The following KANSL2 variants were observed in gnomAD, a reference collection of about 807,000 sequenced individuals.
KANSL2 encodes the protein KAT8 regulatory NSL complex subunit 2.
KANSL2 carries 34 observed loss-of-function variants against 55.6 expected under a neutral mutation model. That is an observed-to-expected ratio of 0.61 (90% CI 0.46 to 0.81). The LOEUF (loss-of-function observed/expected upper bound fraction) is 0.81, where lower values mean the gene tolerates loss of function less well. Among genes scored for constraint, KANSL2 ranks in the 40% least tolerant of loss-of-function variants. The probability of loss-of-function intolerance (pLI) is 0.00; values close to 1 mark genes in which losing one functional copy is unlikely to be tolerated. For synonymous variants in KANSL2, 209 were observed against 214.3 expected (o/e 0.98, Z 0.22); for missense variants, 502 against 609.9 (o/e 0.82, Z 1.86).
chr12:48,680,544 A>T lies in KANSL2; in HGVS notation c.252-711T>A, dbSNP rs150207297. On this transcript the variant is annotated intron_variant, in intron 2 of 9. Transcript: ENST00000420613. ...ACGTAAAAAATTATCTAGTCAGGTT[A>T]TGTTTTTGCATGGATACCTTTGCAT... Among the ~76,000 whole-genome samples, 709 of 152,292 alleles carry T rather than the reference A, an allele frequency of 4.7e-3. 3 individuals are homozygous for T. The highest frequency in any genetic ancestry group is 5.9e-3 in the Non-Finnish European group (399 of 68,016).
At chr12:48,667,414 T>G (rs905638135) in intron 7 of KANSL2, 2 of 466,578 alleles carry the variant, frequency 4.3e-6, no homozygotes. Flanking sequence ...ACCCAAGTAT[T>G]AAGGCTATAA....
At chr12:48,673,956 TA>T (rs1330165238) in intron 4 of KANSL2, among the ~76,000 whole-genome samples, 1 of 151,796 alleles carries the variant, frequency 6.6e-6, no homozygotes, top group Non-Finnish European at 1.5e-5. Context: ...GTCTCAAAAA[TA>T]AATAAATAAA....
intron 5 of KANSL2, among the ~76,000 whole-genome samples, chr12:48,669,683 A>C (rs1187394587): frequency 6.6e-6 from 1 of 151,558 alleles, no homozygotes; most frequent in Non-Finnish European, 1.5e-5. Flanking sequence ...ACGCCCGGCT[A>C]ATTTTTTTTT....
chr12:48,669,521 A>T (rs11168677), intron 5 of KANSL2, among the ~76,000 whole-genome samples: 86,075 of 149,388 alleles, frequency 0.58, 24,859 homozygotes, highest in East Asian at 0.76. Flanking sequence ...TGGAAAAAAA[A>T]TTTTTTTTTT....
chr12:48,660,738 T>C, intron 7 of KANSL2, 119 bp from the exon 8 acceptor site: 1 of 1,024,284 alleles, frequency 9.8e-7, no homozygotes, highest in South Asian at 1.7e-5. Context: ...TACAACTACA[T>C]TTGATACAGA....
intron 7 of KANSL2, among the ~76,000 whole-genome samples, chr12:48,661,943 T>C (rs1321666920): frequency 1.3e-5 from 2 of 152,150 alleles, no homozygotes; most frequent in Non-Finnish European, 2.9e-5. Context: ...AAACAGAAGA[T>C]AGTACAAGGC....
At chr12:48,655,737 T>C (rs190431872) in intron 8 of KANSL2, among the ~76,000 whole-genome samples, 4 of 152,160 alleles carry the variant, frequency 2.6e-5, no homozygotes, top group East Asian at 1.9e-4. Flanking sequence ...CTGTACAACA[T>C]GGTAAATGTT....
chr12:48,667,856 G>A, intron 6 of KANSL2, 67 bp from the exon 7 acceptor site: 1 of 1,156,070 alleles, frequency 8.6e-7, no homozygotes, highest in Non-Finnish European at 1.3e-6. Flanking sequence ...GATGAAAATA[G>A]TTATATAAGA....
In KANSL2 at chr12:48,678,423, C is replaced by T. The variant is rs144374884; in HGVS notation, c.545+613G>A. 1.5e-3 allele frequency among the ~76,000 whole-genome samples: 222 copies of T among 152,112 alleles called. 1 individual carries two copies. Among genetic ancestry groups the T allele is most frequent in the African/African-American group, 5.1e-3 (213 of 41,506 alleles). ...CGGTTTCTCTTTCTTAGGCATGAAA[C>T]CAAACTCTTGAATACCTTTTTATTC... On this transcript the variant is annotated intron_variant, in intron 4 of 9. Transcript: ENST00000420613.
At chr12:48,679,979 T>A (rs539880284) in intron 2 of KANSL2, 146 bp from the exon 3 acceptor site, 376 of 689,502 alleles carry the variant, frequency 5.5e-4, no homozygotes, top group Non-Finnish European at 7.8e-4. Flanking sequence ...GGAATTTAAC[T>A]GGCCCAAGGT....
chr12:48,654,854 T>C, intron 9 of KANSL2, 87 bp downstream of exon 9: 2 of 1,395,112 alleles, frequency 1.4e-6, no homozygotes, highest in Non-Finnish European at 2.0e-6. Flanking sequence ...CCCACTCCCC[T>C]CCAGGAGCAC....
At chr12:48,681,707 C>T (rs757148204) in intron 1 of KANSL2, 66 bp from the exon 2 acceptor site, 167 of 1,602,644 alleles carry the variant, frequency 1.0e-4, no homozygotes, top group Non-Finnish European at 1.4e-4. Context: ...CCACACAGAT[C>T]GCGCGGACAG....
At chr12:48,678,902 T>C (rs1240548978) in intron 4 of KANSL2, 134 bp downstream of exon 4, 2 of 604,828 alleles carry the variant, frequency 3.3e-6, no homozygotes, top group Non-Finnish European at 5.9e-6. Flanking sequence ...ATGCCACTTT[T>C]ATATACAGAA....
intron 7 of KANSL2, among the ~76,000 whole-genome samples, chr12:48,664,669 C>A (rs529057093): frequency 1.4e-4 from 21 of 150,756 alleles, no homozygotes; most frequent in Non-Finnish European, 1.0e-4. Context: ...GCAACCTCCA[C>A]CTCCCAGGTT....
At chr12:48,665,691 TAATA>T (rs554403536) in intron 7 of KANSL2, among the ~76,000 whole-genome samples, 2 of 152,244 alleles carry the variant, frequency 1.3e-5, no homozygotes, top group Non-Finnish European at 2.9e-5. Context: ...TCAATGCCTA[TAATA>T]AATAAGCACT....
chr12:48,672,367 G>GTA (rs1326133877), intron 4 of KANSL2, among the ~76,000 whole-genome samples: 2 of 126,488 alleles, frequency 1.6e-5, no homozygotes, highest in Admixed American at 8.1e-5. Flanking sequence ...ATATATACAT[G>GTA]TATATATACG....
Position 48,660,310 on chromosome 12 carries a change from A to G in KANSL2, c.1227+56T>C, listed in dbSNP as rs577190073. On this transcript the variant is annotated intron_variant, in intron 8 of 9. Transcript: ENST00000420613. ...CAAAGACTAACCTATTCTCACCATTAATAAATAAGGCTTTGTCTCAAGGGC... is the reference window on the plus strand; with the variant it reads ...CAAAGACTAACCTATTCTCACCATTGATAAATAAGGCTTTGTCTCAAGGGC... The G allele has an allele frequency of 2.0e-4, 310 of 1,589,544 alleles. 1 individual carries two copies. The African/African-American group carries it at 3.8e-3, about 19-fold the overall frequency.
chr12:48,654,721 A>G (rs1047563611), intron 9 of KANSL2, among the ~76,000 whole-genome samples: 6 of 152,228 alleles, frequency 3.9e-5, no homozygotes, highest in Non-Finnish European at 8.8e-5. Flanking sequence ...CTAAGAGCCC[A>G]TCTGGAGAAC....
At chr12:48,662,205 A>C (rs1407914517) in intron 7 of KANSL2, among the ~76,000 whole-genome samples, 1 of 152,192 alleles carries the variant, frequency 6.6e-6, no homozygotes, top group East Asian at 1.9e-4. Context: ...CCTGGGTTCA[A>C]GAGATTCTCC....
Sources: allele counts gnomAD v4.1 joint callset (sites outside exome capture counted in the v4.1 genomes callset), GRCh38; gene constraint gnomAD v4.1.1; transcripts MANE v1.5; gene names NCBI Gene and HGNC (gene_info 2026-07-23, HGNC 2026-07-21).